The following GHRHR variants were observed in gnomAD, a reference collection of about 807,000 sequenced individuals.
The protein encoded by GHRHR is growth hormone-releasing hormone receptor.
Under a neutral mutation model 58.3 loss-of-function variants are expected in GHRHR, and 40 were observed. The ratio of observed to expected loss-of-function variants is 0.69; its 90% CI spans 0.53 to 0.89. The LOEUF is 0.89. Among genes scored for constraint, GHRHR ranks in the 40% least tolerant of loss-of-function variants. The probability of loss-of-function intolerance (pLI) is 0.00; values close to 1 mark genes in which losing one functional copy is unlikely to be tolerated. For missense variants in GHRHR, 551 were observed against 541.3 expected (o/e 1.02, Z -0.18); for synonymous variants, 249 against 216.6 (o/e 1.15, Z -1.31).
chr7:30,972,005 C>T lies in GHRHR; in HGVS notation c.507C>T (p.Phe169=), dbSNP rs570281194. 4 of 1,613,842 alleles carry T rather than the reference C, an allele frequency of 2.5e-6. No individual in the cohort carries two copies. Among genetic ancestry groups the T allele is most frequent in the Non-Finnish European group, 2.5e-6 (3 of 1,179,892 alleles). ...CPRNYVHTQL[F]TTFILKAGAV... is the part of the protein sequence containing the mutation. ...GGAACTACGTCCACACCCAGCTGTT[C>T]ACCACTTTTATCCTCAAGGCGGGAG... The change falls in exon 6 of 13, where the codon TTC becomes TTT. Residue 169 remains phenylalanine (F), a synonymous_variant. Transcript: ENST00000326139.
chr7:30,976,175 A>G (rs2128598675), intron 10 of GHRHR, among the ~76,000 whole-genome samples: 1 of 152,196 alleles, frequency 6.6e-6, no homozygotes, highest in African/African-American at 2.4e-5. Context: ...TCCTGGAGGA[A>G]GTGGTTTTGA....
chr7:30,977,928 C>T (rs1432380955), intron 12 of GHRHR, among the ~76,000 whole-genome samples: 1 of 152,202 alleles, frequency 6.6e-6, no homozygotes, highest in Non-Finnish European at 1.5e-5. Flanking sequence ...GAGACTGACG[C>T]AAAGTGAATT....
At chr7:30,978,463 G>A (rs534685212) in intron 12 of GHRHR, among the ~76,000 whole-genome samples, 62 of 152,278 alleles carry the variant, frequency 4.1e-4, no homozygotes, top group African/African-American at 1.5e-3. Flanking sequence ...TCAGGCAGCT[G>A]TGGAAAGATC....
Position 30,964,130 on chromosome 7 carries a change from G to A in GHRHR, c.57+5G>A. The stretch of plus-strand genomic sequence containing the variant: ...GTGTTGAGCCCGTTACCGACCGTGA[G>A]TAGCCAGCTGAGACCCTCTGGCCTC... On this transcript the variant is annotated splice_donor_5th_base_variant and intron_variant, in intron 1 of 12. Transcript: ENST00000326139. 1 of 1,547,600 alleles carries A rather than the reference G, an allele frequency of 6.5e-7. No individual in the cohort carries two copies. The highest frequency in any genetic ancestry group is 8.7e-7 in the Non-Finnish European group (1 of 1,146,844).
In GHRHR at chr7:30,977,327, G is replaced by A. The variant is rs1792610526; in HGVS notation, c.1146+5G>A. 6.2e-7 allele frequency: 1 copy of A among 1,613,544 alleles called. No homozygotes were observed. Among genetic ancestry groups the A allele is most frequent in the Non-Finnish European group, 8.5e-7 (1 of 1,179,606 alleles). ...TACTGCTTCCTCAACCAAGAGGTGT[G>A]TGATTTTTGAGGCTATCCCTCATGG... On this transcript the variant is annotated splice_donor_5th_base_variant and intron_variant, in intron 12 of 12. Coordinates refer to ENST00000326139, the MANE Select transcript of GHRHR (RefSeq NM_000823.4).
At chr7:30,971,003 T>G (rs762329146) in intron 4 of GHRHR, 116 bp from the exon 5 acceptor site, 22 of 705,854 alleles carry the variant, frequency 3.1e-5, no homozygotes, top group Non-Finnish European at 5.2e-5. Context: ...CACCTCTGCC[T>G]CCAGATGGGG....
rs575480873 is a variant in GHRHR, at chr7:30,979,241, C to G, written c.1269C>G (p.Cys423Trp). ...CGGCAAAGGTGCTGACATCTATGTG[C>G]TAGGCTGCCTCATCACGCCACTGGA... ...RSAAKVLTSMC is the reference protein window; with the variant it reads ...RSAAKVLTSMW The change falls in exon 13 of 13, where the codon TGC becomes TGG. Residue 423 changes from cysteine (C) to tryptophan (W), a missense_variant. Physicochemically the swap from Cys to Trp is radical, Grantham distance 215. Transcript: ENST00000326139. The G allele has an allele frequency of 6.2e-7, 1 of 1,613,746 alleles. No homozygotes were observed. Among genetic ancestry groups the G allele is most frequent in the East Asian group, 2.2e-5 (1 of 44,872 alleles).
In GHRHR at chr7:30,976,524, G is replaced by A. The variant is rs201403615; in HGVS notation, c.1070G>A (p.Arg357His). The change falls in exon 11 of 13, where the codon CGC becomes CAC. Residue 357 changes from arginine to histidine, a missense_variant. By Grantham distance (29) the Arg-to-His change is conservative. Transcript: ENST00000326139. Reference protein sequence around the residue: ...FLPDNAGLGIRLPLELGLGSF... With the variant: ...FLPDNAGLGIHLPLELGLGSF... ...CCAGACAATGCTGGCCTGGGCATCC[G>A]CCTCCCCCTGGAGCTGGGACTGGGT... The A allele has an allele frequency of 1.2e-5, 20 of 1,613,206 alleles. No homozygotes were observed. In the East Asian group the frequency reaches 1.8e-4, roughly 14 times the overall value.
At chr7:30,965,363 C>T (rs914201289) in intron 1 of GHRHR, among the ~76,000 whole-genome samples, 1 of 152,146 alleles carries the variant, frequency 6.6e-6, no homozygotes, top group African/African-American at 2.4e-5. Flanking sequence ...AGATGCAAGG[C>T]CTGGGGGTCC....
chr7:30,966,383 A>AG (rs1034828146), intron 1 of GHRHR, among the ~76,000 whole-genome samples: 1 of 63,348 alleles, frequency 1.6e-5, no homozygotes, highest in Non-Finnish European at 2.8e-5. Context: ...CTAGACATTG[A>AG]GGGTGTGTGT....
chr7:30,969,250 C>A, intron 3 of GHRHR, 80 bp downstream of exon 3: 1 of 1,012,408 alleles, frequency 9.9e-7, no homozygotes, highest in Non-Finnish European at 1.5e-6. Context: ...GATTTGGGGG[C>A]AGGCTAACCT....
At chr7:30,977,968 A>C (rs1176914967) in intron 12 of GHRHR, among the ~76,000 whole-genome samples, 1 of 152,218 alleles carries the variant, frequency 6.6e-6, no homozygotes, top group Non-Finnish European at 1.5e-5. Context: ...TTTCCCCCTT[A>C]GGACAGTCCT....
Position 30,969,922 on chromosome 7 carries a change from C to A in GHRHR, c.324C>A (p.Tyr108Ter). 2 of 1,561,230 alleles carry A rather than the reference C, an allele frequency of 1.3e-6. No individual in the cohort carries two copies. Among genetic ancestry groups the A allele is most frequent in the Non-Finnish European group, 1.8e-6 (2 of 1,131,568 alleles). ...GCTGGTCTGAGCCCTTTCCACCTTA[C>A]CCTGTGGCCTGCCCTGTGCCTCTGG... ...ITGWSEPFPP[Y>*]PVACPVPLEL... Residue 108 changes from tyrosine to a stop codon, truncating the protein, a stop_gained, in exon 4 of 13, where the codon TAC (tyrosine) becomes TAA (stop). Transcript: ENST00000326139. LOFTEE classifies it high-confidence loss of function.
intron 6 of GHRHR, among the ~76,000 whole-genome samples, 162 bp from the exon 7 acceptor site, chr7:30,973,823 C>T (rs1792522040): frequency 6.6e-6 from 1 of 152,166 alleles, no homozygotes; most frequent in South Asian, 2.1e-4. Context: ...TCTTAACCCT[C>T]ACTGTATATC....
Position 30,972,078 on chromosome 7 carries a change from C to T in GHRHR, c.580C>T (p.His194Tyr), listed in dbSNP as rs377182945. 8.7e-6 allele frequency: 14 copies of T among 1,613,964 alleles called. No individual in the cohort carries two copies. In the African/African-American group the frequency reaches 1.7e-4, roughly 20 times the overall value. Residue 194 changes from histidine (H) to tyrosine (Y), a missense_variant, in exon 6 of 13, where the codon CAC becomes TAC. His to Tyr is a moderately conservative substitution (Grantham distance 83). Coordinates refer to ENST00000326139, the MANE Select transcript of GHRHR (RefSeq NM_000823.4). ...AALFHSDDTDHCSFSTVLCKV... is the reference protein window; with the variant it reads ...AALFHSDDTDYCSFSTVLCKV... The stretch of plus-strand genomic sequence containing the variant: ...CCTTTTCCACAGCGACGACACTGAC[C>T]ACTGCAGCTTCTCCACTGTAATGGC...
In GHRHR at chr7:30,966,790, G is replaced by A. The variant is rs535009037; in HGVS notation, c.58-2044G>A. Among the ~76,000 whole-genome samples the A allele has an allele frequency of 2.6e-5, 4 of 152,202 alleles. No individual in the cohort carries two copies. The East Asian group carries it at 5.8e-4, about 22-fold the overall frequency. ...CCTGAGTAGCTGGGATTACAGGAGC[G>A]TGTCATCACACCCAGCTAATTTTTG... On this transcript the variant is annotated intron_variant, in intron 1 of 12. Transcript: ENST00000326139.
At position 30,963,977 on chromosome 7, in the gene GHRHR, G is replaced by C; in HGVS notation, c.-92G>C. On this transcript the variant is annotated 5_prime_UTR_variant, in exon 1 of 13. Transcript: ENST00000326139. Reference sequence around the variant, plus strand: ...CACCTGAGAAGGGGAAGCAGAGGGTGCGGTGGAAACGGCTGTGTCAGGGGA... The same window carrying C: ...CACCTGAGAAGGGGAAGCAGAGGGTCCGGTGGAAACGGCTGTGTCAGGGGA... The C allele has an allele frequency of 4.3e-6, 5 of 1,172,242 alleles. No homozygotes were observed. The highest frequency in any genetic ancestry group is 6.2e-6 in the Non-Finnish European group (5 of 804,858). The allele number at this position is 1,172,242 out of a possible 1,614,324, so 72.6% of individuals were successfully genotyped here. A position where few individuals can be genotyped will look rare whatever the true frequency, so the allele number is the denominator to read the frequency against.
chr7:30,973,889 G>A (rs4723038), intron 6 of GHRHR, 96 bp from the exon 7 acceptor site: 43,480 of 1,236,914 alleles, frequency 0.035, 952 homozygotes, highest in Non-Finnish European at 0.043. Flanking sequence ...TAACATGGAG[G>A]GGCCTGGAGG....
intron 12 of GHRHR, among the ~76,000 whole-genome samples, chr7:30,978,864 T>C (rs1479853986): frequency 6.6e-6 from 1 of 152,150 alleles, no homozygotes; most frequent in Non-Finnish European, 1.5e-5. Context: ...TATAAATGTC[T>C]TTAACTGGGC....
Sources: gnomAD v4.1 joint callset for allele counts (sites outside exome capture counted in the v4.1 genomes callset) on GRCh38, gnomAD v4.1.1 for gene constraint, MANE v1.5 for transcripts, NCBI Gene and HGNC (gene_info 2026-07-23, HGNC 2026-07-21) for gene names.